Variants in KIAA0232 observed in about 807,000 individuals in gnomAD.
KIAA0232 encodes KIAA0232.
Under a neutral mutation model 122.0 loss-of-function variants are expected in KIAA0232, and 27 were observed. The observed-to-expected ratio is 0.22, with a 90% CI of 0.16 to 0.31. KIAA0232 has a LOEUF of 0.31. KIAA0232 is among the 10% of genes least tolerant of loss of function. KIAA0232 has a pLI of 1.00. For missense variants in KIAA0232, 1,551 were observed against 1,634.2 expected (o/e 0.95, Z 0.88); for synonymous variants, 613 against 587.6 (o/e 1.04, Z -0.63).
chr4:6,845,041 C>T (rs1719877912), intron 4 of KIAA0232, among the ~76,000 whole-genome samples: 1 of 152,220 alleles, frequency 6.6e-6, no homozygotes, highest in Admixed American at 6.5e-5. Context: ...CAGGGTCATT[C>T]CCTCTCTGTC....
chr4:6,841,946 C>T (rs748813381), intron 3 of KIAA0232, 121 bp from the exon 4 acceptor site: 22 of 1,142,824 alleles, frequency 1.9e-5, no homozygotes, highest in Middle Eastern at 2.1e-4. Context: ...ATAGACAAGC[C>T]GATCCTAAAA....
rs1720992821 is a variant in KIAA0232, at chr4:6,863,415, G to A, written c.3033G>A (p.Lys1011=). ...QPKSGENGLN[K]GFSFIFHEDL... ...AGAGTGGGGAAAATGGGTTAAATAA[G>A]GGATTTTCTTTTATCTTCCATGAAG... Residue 1011 remains lysine (K), a synonymous_variant, in exon 7 of 10, where the codon AAG becomes AAA. Coordinates refer to ENST00000307659, the MANE Select transcript of KIAA0232 (RefSeq NM_014743.3). 1.9e-6 allele frequency: 3 copies of A among 1,614,054 alleles called. No homozygotes were observed. Among genetic ancestry groups the A allele is most frequent in the Admixed American group, 1.7e-5 (1 of 59,990 alleles).
At chr4:6,827,373 G>C (rs1358629399) in intron 3 of KIAA0232, among the ~76,000 whole-genome samples, 1 of 152,196 alleles carries the variant, frequency 6.6e-6, no homozygotes, top group East Asian at 1.9e-4. Flanking sequence ...GAGAGTGGAA[G>C]GGGCCTTAGC....
intron 3 of KIAA0232, among the ~76,000 whole-genome samples, chr4:6,839,777 G>A (rs1719546902): frequency 6.6e-6 from 1 of 152,188 alleles, no homozygotes; most frequent in Admixed American, 6.5e-5. Context: ...CCTGTAGATC[G>A]AGTTTAGCCA....
intron 4 of KIAA0232, among the ~76,000 whole-genome samples, chr4:6,851,323 T>C (rs185893160): frequency 1.0e-3 from 156 of 152,270 alleles, no homozygotes; most frequent in African/African-American, 3.4e-3. Flanking sequence ...CCAAATATCC[T>C]TCAGGAAGTT....
At chr4:6,818,184 C>T (rs917400393) in intron 2 of KIAA0232, among the ~76,000 whole-genome samples, 23 of 151,882 alleles carry the variant, frequency 1.5e-4, no homozygotes, top group African/African-American at 5.1e-4. Flanking sequence ...TGGTGGATCA[C>T]GAGGTCAGGA....
intron 3 of KIAA0232, among the ~76,000 whole-genome samples, chr4:6,831,768 C>T (rs1324140989): frequency 6.6e-6 from 1 of 152,248 alleles, no homozygotes; most frequent in African/African-American, 2.4e-5. Flanking sequence ...GCTTCCAACC[C>T]CTTCCTCTTG....
At chr4:6,857,385 C>T (rs1289914988) in intron 5 of KIAA0232, among the ~76,000 whole-genome samples, 155 bp downstream of exon 5, 3 of 152,216 alleles carry the variant, frequency 2.0e-5, no homozygotes, top group African/African-American at 4.8e-5. Flanking sequence ...GCTCCATCTG[C>T]AGCTCTGTTA....
chr4:6,876,857 A>G, intron 9 of KIAA0232, 100 bp downstream of exon 9: 2 of 776,054 alleles, frequency 2.6e-6, no homozygotes, highest in Non-Finnish European at 2.2e-6. Context: ...AGTGGACCCC[A>G]CCTCTCCCAG....
chr4:6,847,260 A>G (rs987524395), intron 4 of KIAA0232, among the ~76,000 whole-genome samples: 1 of 152,184 alleles, frequency 6.6e-6, no homozygotes, highest in African/African-American at 2.4e-5. Context: ...ATCCATAGTT[A>G]CCAGACTGTT....
In KIAA0232 at chr4:6,861,995, G is replaced by A. The variant is rs758947054; in HGVS notation, c.1613G>A (p.Arg538Gln). The A allele has an allele frequency of 3.7e-6, 6 of 1,614,078 alleles. No homozygotes were observed. Among genetic ancestry groups the A allele is most frequent in the South Asian group, 3.3e-5 (3 of 91,048 alleles). The change falls in exon 7 of 10, where the codon CGA becomes CAA. Residue 538 changes from arginine (R) to glutamine (Q), a missense_variant. Arg to Gln is a conservative substitution (Grantham distance 43). Around this residue, in one of 5 missense-constraint regions of KIAA0232, gnomAD observed 1,108 missense variants for 1,154.8 expected, o/e 0.96. Coordinates refer to ENST00000307659, the MANE Select transcript of KIAA0232 (RefSeq NM_014743.3). ...GAAAGTCGGATTTTGAATATGATTCGACAGAAAAGCAAAGAGAACACAGAT... is the reference window on the plus strand; with the variant it reads ...GAAAGTCGGATTTTGAATATGATTCAACAGAAAAGCAAAGAGAACACAGAT... Reference protein sequence around the residue: ...QGESRILNMIRQKSKENTDFE... With the variant: ...QGESRILNMIQQKSKENTDFE...
In KIAA0232 at chr4:6,855,677, G is replaced by A. The variant is rs1361787044; in HGVS notation, c.370-1487G>A. On this transcript the variant is annotated intron_variant, in intron 4 of 9. Coordinates refer to ENST00000307659, the MANE Select transcript of KIAA0232 (RefSeq NM_014743.3). The surrounding 1 kb of genome is among the most constrained non-coding windows in gnomAD (Gnocchi z 4.3). ...GTCACTAGGTTGTAATGACCATTCT[G>A]ATTAAATGGGACCCCATTTTAGAGT... 6.1e-6 allele frequency: 1 copy of A among 163,692 alleles called. No individual in the cohort carries two copies. Among genetic ancestry groups the A allele is most frequent in the Non-Finnish European group, 1.3e-5 (1 of 78,590 alleles). 10.1% of individuals were successfully genotyped at this position (163,692 alleles called of 1,614,324 possible).
At chr4:6,822,723 A>G (rs1252974994) in intron 2 of KIAA0232, among the ~76,000 whole-genome samples, 1 of 152,026 alleles carries the variant, frequency 6.6e-6, no homozygotes, top group African/African-American at 2.4e-5. Context: ...CATCTGTCAT[A>G]AAAACTAAGA....
chr4:6,857,296 A>G (rs372263251), intron 5 of KIAA0232, 66 bp downstream of exon 5: 18 of 1,384,958 alleles, frequency 1.3e-5, no homozygotes, highest in Non-Finnish European at 1.7e-5. Flanking sequence ...GGATTGGGGA[A>G]AATCTTAGAA....
chr4:6,807,655 C>G (rs1385352117), intron 2 of KIAA0232, among the ~76,000 whole-genome samples: 1 of 152,192 alleles, frequency 6.6e-6, no homozygotes, highest in Non-Finnish European at 1.5e-5. Flanking sequence ...TGCTTGAATT[C>G]CAGTTTGGGT....
At chr4:6,786,911 G>T (rs1485645562) in intron 1 of KIAA0232, among the ~76,000 whole-genome samples, 1 of 152,130 alleles carries the variant, frequency 6.6e-6, no homozygotes, top group Non-Finnish European at 1.5e-5. Flanking sequence ...GGCCGGGCGC[G>T]GTGGCTCACG....
At chr4:6,814,476 AACAGAACTTG>A (rs1484120781) in intron 2 of KIAA0232, among the ~76,000 whole-genome samples, 4 of 152,202 alleles carry the variant, frequency 2.6e-5, no homozygotes, top group Admixed American at 6.5e-5. Context: ...TCCTATTAGT[AACAGAACTTG>A]TAATACTAAG....
intron 4 of KIAA0232, among the ~76,000 whole-genome samples, chr4:6,845,125 G>A (rs536493916): frequency 1.1e-4 from 16 of 152,138 alleles, no homozygotes; most frequent in African/African-American, 3.1e-4. Context: ...CATGACCATG[G>A]AACTCTACTG....
chr4:6,791,918 C>G (rs1004913110), intron 1 of KIAA0232, among the ~76,000 whole-genome samples: 1 of 152,150 alleles, frequency 6.6e-6, no homozygotes, highest in South Asian at 2.1e-4. Context: ...GGGGACAGGT[C>G]TTTCTCATGC....
Sources: allele counts gnomAD v4.1 joint callset (sites outside exome capture counted in the v4.1 genomes callset), GRCh38; gene constraint gnomAD v4.1.1; regional missense constraint gnomAD v4.1.1; non-coding constraint Gnocchi (gnomAD v3.1); transcripts MANE v1.5; gene names NCBI Gene and HGNC (gene_info 2026-07-23, HGNC 2026-07-21).